The following FARP1 variants were observed in gnomAD, a reference collection of about 807,000 sequenced individuals.
The protein encoded by FARP1 is FERM, ARH/RhoGEF and pleckstrin domain protein 1.
Under a neutral mutation model 128.8 loss-of-function variants are expected in FARP1, and 52 were observed. The ratio of observed to expected loss-of-function variants is 0.40; its 90% CI spans 0.32 to 0.51. The LOEUF is 0.51. Ranked by LOEUF, FARP1 falls within the 20% of genes least tolerant of loss-of-function variation. The pLI is 0.45. For synonymous variants in FARP1, 580 were observed against 551.8 expected (o/e 1.05, Z -0.72); for missense variants, 1,333 against 1,367.9 (o/e 0.97, Z 0.40).
rs150861653 is a variant in FARP1, at chr13:98,448,132, C to T, written c.3057-104C>T. ...TTCTGCTGAAGTGGCAGATTACCAA[C>T]CAGGCGGCCTGACTTCACCTTGTGT... On this transcript the variant is annotated intron_variant, in intron 26 of 26. Coordinates refer to ENST00000319562, the MANE Select transcript of FARP1 (RefSeq NM_005766.4). 480 of 942,388 alleles carry T rather than the reference C, an allele frequency of 5.1e-4. 1 individual carries two copies. In the African/African-American group the frequency reaches 6.5e-3, roughly 13 times the overall value. The allele number at this position is 942,388 out of a possible 1,614,324, so 58.4% of individuals were successfully genotyped here.
chr13:98,143,541 G>C (rs1460473711), intron 1 of FARP1, 49 bp downstream of exon 1: 2 of 150,382 alleles, frequency 1.3e-5, no homozygotes, highest in Non-Finnish European at 3.0e-5. Context: ...GCGGGGGCCG[G>C]CGGGGTCCGG....
In FARP1 at chr13:98,353,973, C is replaced by CT. The variant is rs764166023; in HGVS notation, c.276+10108dup. Among the ~76,000 whole-genome samples the CT allele has an allele frequency of 5.9e-5, 9 of 152,304 alleles. No homozygotes were observed. The East Asian group carries it at 1.7e-3, about 29-fold the overall frequency. On this transcript the variant is annotated intron_variant, in intron 3 of 26. Transcript: ENST00000319562. The stretch of plus-strand genomic sequence containing the variant: ...ACAAATGATTTAAAAATAGTTTAAA[C>CT]TGAGTAATTGATGTTTTGCAAGGAC...
At chr13:98,153,283 AT>A (rs1990194013) in intron 1 of FARP1, among the ~76,000 whole-genome samples, 3 of 61,992 alleles carry the variant, frequency 4.8e-5, no homozygotes, top group Non-Finnish European at 9.5e-5. Context: ...TTATATATAT[AT>A]AAAATATATA....
intron 2 of FARP1, among the ~76,000 whole-genome samples, chr13:98,326,432 T>A (rs966615093): frequency 1.3e-5 from 2 of 152,240 alleles, no homozygotes; most frequent in African/African-American, 4.8e-5. Context: ...TCCTGCAATC[T>A]GAAACCCTAT....
In FARP1 at chr13:98,282,531, TTCTC is replaced by T. The variant is rs1008808056; in HGVS notation, c.172-61225_172-61222del. 2.4e-4 allele frequency among the ~76,000 whole-genome samples: 37 copies of T among 152,296 alleles called. No homozygotes were observed. The East Asian group carries it at 4.6e-3, about 19-fold the overall frequency. On this transcript the variant is annotated intron_variant, in intron 2 of 26. Transcript: ENST00000319562. ...TGTTTGATAAATGGTCTAAGATCAG[TTCTC>T]TCTCTAAGAACTCAAGGAATTATAA...
chr13:98,310,173 G>A (rs1011747323), intron 2 of FARP1, among the ~76,000 whole-genome samples: 6 of 151,550 alleles, frequency 4.0e-5, no homozygotes, highest in African/African-American at 1.2e-4. Context: ...CTTCCACAGT[G>A]CAGCTTGCTT....
chr13:98,270,264 T>C (rs1473492667), intron 2 of FARP1, among the ~76,000 whole-genome samples: 6 of 152,158 alleles, frequency 3.9e-5, no homozygotes, highest in Admixed American at 2.0e-4. Flanking sequence ...TTGGTCAAGG[T>C]CCATCCTTGG....
intron 2 of FARP1, among the ~76,000 whole-genome samples, chr13:98,337,917 C>T (rs928961511): frequency 2.6e-5 from 4 of 152,170 alleles, no homozygotes; most frequent in Non-Finnish European, 5.9e-5. Flanking sequence ...AGTGCATACA[C>T]ATGGATAGTC....
At chr13:98,394,974 C>A (rs1166765210) in intron 12 of FARP1, among the ~76,000 whole-genome samples, 2 of 152,114 alleles carry the variant, frequency 1.3e-5, no homozygotes, top group Admixed American at 1.3e-4. Context: ...GTCGGCGGGT[C>A]CTGGAAAGCA....
intron 1 of FARP1, among the ~76,000 whole-genome samples, chr13:98,183,894 G>A (rs535531350): frequency 9.9e-5 from 15 of 152,162 alleles, no homozygotes; most frequent in African/African-American, 3.6e-4. Flanking sequence ...TCCCCTTAGC[G>A]CCCTGGCTCT....
At position 98,454,001 on chromosome 13, in the gene FARP1, C is replaced by T. The variant is rs1893329794; in HGVS notation, c.*5684C>T. ...CCCAGAGAGCAGTTCCTTTGAGCCC[C>T]ATGCTGGCGCTCAAAAGTTTCAGAT... On this transcript the variant is annotated 3_prime_UTR_variant, in exon 27 of 27. Transcript: ENST00000319562. 1.3e-5 allele frequency: 2 copies of T among 152,140 alleles called. No homozygotes were observed. Among genetic ancestry groups the T allele is most frequent in the East Asian group, 1.9e-4 (1 of 5,196 alleles). The allele number at this position is 152,140 out of a possible 1,614,324, so 9.4% of individuals were successfully genotyped here.
In FARP1 at chr13:98,389,923, T is replaced by C. The variant is rs539359976; in HGVS notation, c.856-34T>C. The C allele has an allele frequency of 1.2e-5, 20 of 1,608,106 alleles. 1 individual carries two copies. The highest frequency in any genetic ancestry group is 9.4e-5 in the African/African-American group (7 of 74,854). On this transcript the variant is annotated intron_variant, in intron 9 of 26. Coordinates refer to ENST00000319562, the MANE Select transcript of FARP1 (RefSeq NM_005766.4). ...ATTTCAGTGGTGTATCTATGGGTAA[T>C]GGAAAAAACCACCGTTGTATTTTCC...
rs575615597 is a variant in FARP1 at position 98,302,905 on chromosome 13, G to A, written c.172-40857G>A. Among the ~76,000 whole-genome samples, 7 of 152,292 alleles carry A rather than the reference G, an allele frequency of 4.6e-5. No homozygotes were observed. In the East Asian group the frequency reaches 7.7e-4, roughly 17 times the overall value. On this transcript the variant is annotated intron_variant, in intron 2 of 26. Coordinates refer to ENST00000319562, the MANE Select transcript of FARP1 (RefSeq NM_005766.4). ...AGAGCAGGGAGTATCAGGCCCCAAC[G>A]AGGAGAGCTCCTGAGCTGAGGGAGG...
intron 2 of FARP1, among the ~76,000 whole-genome samples, chr13:98,229,000 A>G (rs1566768942): frequency 6.6e-6 from 1 of 152,228 alleles, no homozygotes; most frequent in Non-Finnish European, 1.5e-5. Context: ...ATCTTTTAAT[A>G]TTTGTATAAA....
rs71111943 is a variant in FARP1 at position 98,313,242 on chromosome 13, TACACACAC to T, written c.172-30495_172-30488del. On this transcript the variant is annotated intron_variant, in intron 2 of 26. Coordinates refer to ENST00000319562, the MANE Select transcript of FARP1 (RefSeq NM_005766.4). ...CACTCTGGAATCGGGTGGGTCATAA[TACACACAC>T]ACACACACACACACACACACACACT... 1.5e-3 allele frequency among the ~76,000 whole-genome samples: 182 copies of T among 120,020 alleles called. 1 individual carries two copies. The highest frequency in any genetic ancestry group is 9.2e-3 in the Middle Eastern group (2 of 218). 78.7% of individuals were successfully genotyped at this position (120,020 alleles called of 152,430 possible).
intron 2 of FARP1, among the ~76,000 whole-genome samples, chr13:98,341,829 T>C (rs756972917): frequency 9.2e-5 from 14 of 152,196 alleles, no homozygotes; most frequent in Non-Finnish European, 1.9e-4. Context: ...TGGGTTCTTA[T>C]ATATAATATT....
At chr13:98,261,725 A>AG (rs1883890777) in intron 2 of FARP1, among the ~76,000 whole-genome samples, 1 of 152,192 alleles carries the variant, frequency 6.6e-6, no homozygotes, top group Admixed American at 6.5e-5. Flanking sequence ...AAGAGAAAGA[A>AG]GCAAGGCATG....
chr13:98,245,969 G>A (rs538321911), intron 2 of FARP1, among the ~76,000 whole-genome samples: 69 of 151,478 alleles, frequency 4.6e-4, no homozygotes, highest in Non-Finnish European at 9.0e-4. Flanking sequence ...TAGAGACGAG[G>A]TTTCACCGTG....
Position 98,213,344 on chromosome 13 carries a change from A to C in FARP1, c.102A>C (p.Thr34=). 6.2e-7 allele frequency: 1 copy of C among 1,613,986 alleles called. No homozygotes were observed. Residue 34 remains threonine (T), a synonymous_variant, in exon 2 of 27, where the codon ACA becomes ACC. Transcript: ENST00000319562. ...TLERGQKPPP[T]PSGKLVSIKI... The stretch of plus-strand genomic sequence containing the variant: ...AACGTGGACAGAAGCCGCCCCCAAC[A>C]CCTTCAGGAAAACTCGTGTCCATCA...
Sources: gnomAD v4.1 joint callset for allele counts (sites outside exome capture counted in the v4.1 genomes callset) on GRCh38, gnomAD v4.1.1 for gene constraint, MANE v1.5 for transcripts, NCBI Gene and HGNC (gene_info 2026-07-23, HGNC 2026-07-21) for gene names.